Variants in TBX19 observed in about 807,000 individuals in gnomAD.
TBX19 encodes T-box transcription factor 19, also known as T-box transcription factor TBX19.
TBX19 carries 33 observed loss-of-function variants against 40.9 expected under a neutral mutation model. That is an observed-to-expected ratio of 0.81 (90% CI 0.61 to 1.08). The LOEUF (loss-of-function observed/expected upper bound fraction) is 1.08. Ranked by LOEUF, TBX19 falls within the 50% of genes least tolerant of loss-of-function variation. The pLI is 0.00. For synonymous variants in TBX19, 220 were observed against 225.0 expected (o/e 0.98, Z 0.20); for missense variants, 494 against 574.0 (o/e 0.86, Z 1.42).
chr1:168,300,357 T>G, intron 4 of TBX19, 65 bp from the exon 5 acceptor site: 1 of 1,470,614 alleles, frequency 6.8e-7, no homozygotes, highest in Non-Finnish European at 9.5e-7. Flanking sequence ...GAATTTTGGG[T>G]ATGCTTTATA....
intron 1 of TBX19, among the ~76,000 whole-genome samples, chr1:168,289,757 C>T (rs573909691): frequency 2.0e-5 from 3 of 152,344 alleles, no homozygotes; most frequent in African/African-American, 7.2e-5. Flanking sequence ...CCAAGCCCTT[C>T]GGCTGGCCTG....
At chr1:168,311,441 T>C (rs1649518998) in intron 7 of TBX19, among the ~76,000 whole-genome samples, 1 of 152,138 alleles carries the variant, frequency 6.6e-6, no homozygotes, top group South Asian at 2.1e-4. Flanking sequence ...GAGCATCTTC[T>C]GAAGATTGGG....
intron 1 of TBX19, among the ~76,000 whole-genome samples, chr1:168,287,526 G>A (rs10918864): frequency 0.5 from 76,485 of 151,940 alleles, 21,009 homozygotes; most frequent in Non-Finnish European, 0.63. Context: ...CTCAAACTCT[G>A]GGCCTCAAGT....
chr1:168,288,756 A>G (rs1203900176), intron 1 of TBX19, among the ~76,000 whole-genome samples: 1 of 122,214 alleles, frequency 8.2e-6, no homozygotes, highest in East Asian at 2.2e-4. Flanking sequence ...TTATTGAGAA[A>G]AGTTTTGGTA....
chr1:168,291,022 G>C, intron 1 of TBX19, 138 bp from the exon 2 acceptor site: 1 of 1,017,632 alleles, frequency 9.8e-7, no homozygotes, highest in Non-Finnish European at 1.5e-6. Context: ...GTAGAATTGG[G>C]GTTGTGGACT....
At chr1:168,292,364 A>AT (rs1366892509) in intron 2 of TBX19, among the ~76,000 whole-genome samples, 1 of 152,216 alleles carries the variant, frequency 6.6e-6, no homozygotes, top group African/African-American at 2.4e-5. Flanking sequence ...TGACTCAGAG[A>AT]GAGTGTAGCC....
intron 4 of TBX19, 82 bp downstream of exon 4, chr1:168,297,867 G>A (rs1303691047): frequency 8.2e-7 from 1 of 1,226,912 alleles, no homozygotes; most frequent in African/African-American, 1.5e-5. Context: ...ATCTTGAAAG[G>A]AACTAGACTA....
chr1:168,296,443 A>G (rs1478688391), intron 3 of TBX19, among the ~76,000 whole-genome samples: 1 of 152,186 alleles, frequency 6.6e-6, no homozygotes, highest in Non-Finnish European at 1.5e-5. Context: ...GACACATCTT[A>G]CATGGTGACA....
intron 1 of TBX19, among the ~76,000 whole-genome samples, chr1:168,285,263 A>T (rs992205210): frequency 9.3e-4 from 3 of 3,226 alleles, no homozygotes; most frequent in African/African-American, 5.0e-3. Context: ...CATGTATGTC[A>T]CACACACACA....
intron 1 of TBX19, among the ~76,000 whole-genome samples, chr1:168,288,653 C>CAATT (rs1648861823): frequency 1.3e-5 from 2 of 152,192 alleles, no homozygotes; most frequent in African/African-American, 4.8e-5. Context: ...CATGCTTGAA[C>CAATT]AATTGCATCA....
intron 6 of TBX19, 116 bp from the exon 7 acceptor site, chr1:168,308,626 C>G (rs185112335): frequency 4.0e-4 from 512 of 1,290,760 alleles, no homozygotes; most frequent in Non-Finnish European, 5.4e-4. Context: ...AACTAACAAA[C>G]TGTTGGTGCC....
At chr1:168,289,926 G>A (rs757539058) in intron 1 of TBX19, among the ~76,000 whole-genome samples, 5 of 152,160 alleles carry the variant, frequency 3.3e-5, no homozygotes, top group Non-Finnish European at 5.9e-5. Flanking sequence ...AAGCATGGTG[G>A]CTCACACCTG....
chr1:168,297,962 C>T lies in TBX19; in HGVS notation c.665+177C>T, dbSNP rs569930646. On this transcript the variant is annotated intron_variant, in intron 4 of 7. Coordinates refer to ENST00000367821, the MANE Select transcript of TBX19 (RefSeq NM_005149.3). ...CTGTAATCCCAGCACTTTGGGAGGC[C>T]GAGGCGGGCAGATTACGAGATCAGG... is the stretch of plus-strand genomic sequence containing the variant. 5.9e-5 allele frequency among the ~76,000 whole-genome samples: 9 copies of T among 152,104 alleles called. No individual in the cohort carries two copies. In the East Asian group the frequency reaches 1.7e-3, roughly 29 times the overall value.
chr1:168,291,577 A>G (rs959585324), intron 2 of TBX19, among the ~76,000 whole-genome samples, 153 bp downstream of exon 2: 8 of 152,212 alleles, frequency 5.3e-5, no homozygotes, highest in African/African-American at 1.7e-4. Flanking sequence ...AAATGTAAAC[A>G]AGAATAAACA....
chr1:168,300,550 C>G, intron 5 of TBX19, 67 bp downstream of exon 5: 1 of 1,452,112 alleles, frequency 6.9e-7, no homozygotes, highest in East Asian at 2.3e-5. Context: ...CTTCCACACT[C>G]AGACTCTTTG....
intron 5 of TBX19, among the ~76,000 whole-genome samples, chr1:168,301,237 C>T (rs955745800): frequency 6.6e-6 from 1 of 152,088 alleles, no homozygotes; most frequent in Non-Finnish European, 1.5e-5. Context: ...GGAGTATAGC[C>T]GCATAAAGAG....
Position 168,289,134 on chromosome 1 carries a change from G to A in TBX19, c.204-2026G>A, listed in dbSNP as rs561021239. Among the ~76,000 whole-genome samples, 71 of 152,224 alleles carry A rather than the reference G, an allele frequency of 4.7e-4. No homozygotes were observed. The Middle Eastern group carries it at 0.017, about 36-fold the overall frequency. ...CAGAGACCATGTCTCCATATACCTC[G>A]TATAAACGGGTCTGACTCCTGGCTG... On this transcript the variant is annotated intron_variant, in intron 1 of 7. Transcript: ENST00000367821.
chr1:168,292,591 G>T (rs550271962), intron 2 of TBX19, among the ~76,000 whole-genome samples: 1 of 152,188 alleles, frequency 6.6e-6, no homozygotes, highest in Non-Finnish European at 1.5e-5. Context: ...TCAGCCGGGC[G>T]CGGTGGCTCG....
chr1:168,310,105 C>T (rs1649486920), intron 7 of TBX19, among the ~76,000 whole-genome samples: 1 of 152,054 alleles, frequency 6.6e-6, no homozygotes, highest in Admixed American at 6.5e-5. Flanking sequence ...AGTTTGAAAC[C>T]AGCCTGGCCA....
Sources: allele counts gnomAD v4.1 joint callset (sites outside exome capture counted in the v4.1 genomes callset), GRCh38; gene constraint gnomAD v4.1.1; transcripts MANE v1.5; gene names NCBI Gene and HGNC (gene_info 2026-07-23, HGNC 2026-07-21).